The following SIGLEC8 variants were observed in gnomAD, a reference collection of about 807,000 sequenced individuals.
SIGLEC8 encodes sialic acid-binding Ig-like lectin 8.
A neutral mutation model predicts 42.1 loss-of-function variants in SIGLEC8; 32 were observed. The ratio of observed to expected loss-of-function variants is 0.76; its 90% CI spans 0.57 to 1.02. The LOEUF (loss-of-function observed/expected upper bound fraction) is 1.02, where lower values mean the gene tolerates loss of function less well. SIGLEC8 is among the 50% of genes least tolerant of loss of function. The pLI is 0.00. For missense variants in SIGLEC8, 611 were observed against 610.2 expected (o/e 1.00, Z -0.01); for synonymous variants, 262 against 260.3 (o/e 1.01, Z -0.06).
rs764743650 is a variant in SIGLEC8, at chr19:51,458,125, A to C, written c.263T>G (p.Val88Gly). ...GAATCGGCCCTGGGTCTCTGCCTGC[A>C]CTTCTCTGTCTGGGTTGTTTGTGGC... Reference protein sequence around the residue: ...PVATNNPDREVQAETQGRFQL... With the variant: ...PVATNNPDREGQAETQGRFQL... The change falls in exon 1 of 7, where the codon GTG (valine) becomes GGG (glycine). Residue 88 changes from valine (V) to glycine (G), a missense_variant. Val to Gly is a moderately radical substitution (Grantham distance 109). Coordinates refer to ENST00000321424, the MANE Select transcript of SIGLEC8 (RefSeq NM_014442.3). The C allele has an allele frequency of 6.2e-7, 1 of 1,614,018 alleles. No individual in the cohort carries two copies. The highest frequency in any genetic ancestry group is 8.5e-7 in the Non-Finnish European group (1 of 1,180,018).
intron 6 of SIGLEC8, among the ~76,000 whole-genome samples, chr19:51,452,908 T>C (rs951993693): frequency 6.6e-6 from 1 of 152,156 alleles, no homozygotes; most frequent in African/African-American, 2.4e-5. Context: ...CAGTCAGCAC[T>C]GCGCCCAAAG....
At chr19:51,457,880 C>A in intron 1 of SIGLEC8, 54 bp downstream of exon 1, 4 of 1,588,630 alleles carry the variant, frequency 2.5e-6, no homozygotes, top group Non-Finnish European at 3.4e-6. Context: ...CCAGCCCTGC[C>A]TTTCAGCCCC....
At chr19:51,453,218 A>G (rs758626847) in intron 6 of SIGLEC8, among the ~76,000 whole-genome samples, 16 of 151,686 alleles carry the variant, frequency 1.1e-4, no homozygotes, top group Non-Finnish European at 1.9e-4. Context: ...CCCCCCAAGT[A>G]GCTGGGACTG....
Position 51,457,558 on chromosome 19 carries a change from G to T in SIGLEC8, c.636C>A (p.Thr212=). 3.7e-6 allele frequency: 6 copies of T among 1,614,038 alleles called. No individual in the cohort carries two copies. In the Middle Eastern group the frequency reaches 1.0e-3, roughly 270 times the overall value. The change falls in exon 2 of 7, where the codon ACC becomes ACA. Residue 212 remains threonine, a synonymous_variant. Coordinates refer to ENST00000321424, the MANE Select transcript of SIGLEC8 (RefSeq NM_014442.3). ...TGGTGCCGTGGTCCTGGGGCTTTGG[G>T]GTAAGGGTGAGCACTGAGGAGCGGG... ...TTARSSVLTL[T]PKPQDHGTSL...
chr19:51,457,438 G>A (rs200071354), intron 2 of SIGLEC8, 23 bp downstream of exon 2: 2 of 1,612,872 alleles, frequency 1.2e-6, no homozygotes, highest in African/African-American at 1.3e-5. Flanking sequence ...TGAGGGACCT[G>A]GGCATCTTGG....
At chr19:51,456,920 G>A (rs150982110) in intron 3 of SIGLEC8, among the ~76,000 whole-genome samples, 5 of 152,332 alleles carry the variant, frequency 3.3e-5, no homozygotes, top group African/African-American at 4.8e-5. Flanking sequence ...AAAATTGGGA[G>A]TCTGATCCAG....
At chr19:51,452,888 G>A (rs1424681104) in intron 6 of SIGLEC8, among the ~76,000 whole-genome samples, 2 of 152,136 alleles carry the variant, frequency 1.3e-5, no homozygotes, top group Admixed American at 1.3e-4. Flanking sequence ...TATGAAAACT[G>A]AGGTCGAAAC....
At position 51,457,616 on chromosome 19, in the gene SIGLEC8, C is replaced by A. The variant is rs1283548350; in HGVS notation, c.578G>T (p.Gly193Val). 6.2e-7 allele frequency: 1 copy of A among 1,612,514 alleles called. No individual in the cohort carries two copies. Among genetic ancestry groups the A allele is most frequent in the Non-Finnish European group, 8.5e-7 (1 of 1,179,262 alleles). The change falls in exon 2 of 7, where the codon GGG becomes GTG. Residue 193 changes from glycine (G) to valine (V), a missense_variant. Coordinates refer to ENST00000321424, the MANE Select transcript of SIGLEC8 (RefSeq NM_014442.3). ...GGGGCCCGGGGAGGACACGGAGGCC[C>A]CAATCCAGGAGATCATGGGGGGTGT... is the stretch of plus-strand genomic sequence containing the variant. ...QGTPPMISWI[G>V]ASVSSPGPTT... is the part of the protein sequence containing the mutation.
At chr19:51,455,822 G>A (rs1045478748) in intron 3 of SIGLEC8, 135 bp from the exon 4 acceptor site, 24 of 773,302 alleles carry the variant, frequency 3.1e-5, no homozygotes, top group African/African-American at 5.3e-5. Context: ...CTTGGAACCA[G>A]CCCAAATGTC....
At chr19:51,453,956 G>A (rs1989428525) in intron 6 of SIGLEC8, 1 of 985,232 alleles carries the variant, frequency 1.0e-6, no homozygotes. Context: ...AAAAATGGAG[G>A]AGAGATGGTG....
In SIGLEC8 at chr19:51,452,401, G is replaced by A. The variant is rs1389168658; in HGVS notation, c.1478C>T (p.Ser493Phe). The change falls in exon 7 of 7, where the codon TCC (serine) becomes TTC (phenylalanine). Residue 493 changes from serine to phenylalanine, a missense_variant. By Grantham distance (155) the Ser-to-Phe change is radical (BLOSUM62 -2). Coordinates refer to ENST00000321424, the MANE Select transcript of SIGLEC8 (RefSeq NM_014442.3). ...TQACLRNHNP[S>F]SKEVRG ...GAATCAGCCTCTGACTTCTTTGCTG[G>A]AGGGGTTGTGATTCCTCAAACAGGC... 2 of 1,604,450 alleles carry A rather than the reference G, an allele frequency of 1.2e-6. No homozygotes were observed. The highest frequency in any genetic ancestry group is 1.3e-5 in the African/African-American group (1 of 74,776).
chr19:51,456,991 A>G (rs560721998), intron 3 of SIGLEC8, among the ~76,000 whole-genome samples, 193 bp downstream of exon 3: 14 of 152,228 alleles, frequency 9.2e-5, no homozygotes, highest in African/African-American at 3.1e-4. Flanking sequence ...GGAGGAGTCT[A>G]AGGGGAGCAG....
chr19:51,457,510 C>T lies in SIGLEC8; in HGVS notation c.684G>A (p.Leu228=). 4 of 1,613,956 alleles carry T rather than the reference C, an allele frequency of 2.5e-6. No individual in the cohort carries two copies. Among genetic ancestry groups the T allele is most frequent in the East Asian group, 4.5e-5 (2 of 44,868 alleles). The part of the protein sequence containing the change: ...HGTSLTCQVT[L]PGTGVTTTST... The stretch of plus-strand genomic sequence containing the variant: ...TGGTCGTGGTCACACCTGTCCCAGG[C>T]AAGGTCACCTGACAGGTGAGGCTGG... Residue 228 remains leucine, a synonymous_variant, in exon 2 of 7, where the codon TTG becomes TTA. Coordinates refer to ENST00000321424, the MANE Select transcript of SIGLEC8 (RefSeq NM_014442.3).
chr19:51,455,522 G>T lies in SIGLEC8; in HGVS notation c.947C>A (p.Pro316His), dbSNP rs1989468879. The change falls in exon 4 of 7, where the codon CCT (proline) becomes CAT (histidine). Residue 316 changes from proline to histidine, a missense_variant. Transcript: ENST00000321424. ...CCCTTCATCCCTCACGTGCACTCGAGGCAGCTCCAGCAGCCCAGGGTTTGA... is the reference window on the plus strand; with the variant it reads ...CCCTTCATCCCTCACGTGCACTCGATGCAGCTCCAGCAGCCCAGGGTTTGA... Reference protein sequence around the residue: ...RSSNPGLLELPRVHVRDEGEF... With the variant: ...RSSNPGLLELHRVHVRDEGEF... The T allele has an allele frequency of 1.2e-6, 2 of 1,614,056 alleles. No individual in the cohort carries two copies. The highest frequency in any genetic ancestry group is 3.3e-5 in the Admixed American group (2 of 59,994).
In SIGLEC8 at chr19:51,457,185, T is replaced by C; in HGVS notation, c.780A>G (p.Thr260=). ...CCCAGGGAGGGGGCTCTGTCCTACC[T>C]GTGGCATCTCCTTGGAAGACAGTCA... ...LTMTVFQGDA[T]ASTALGNGSS... is the part of the protein sequence containing the mutation. The change falls in exon 3 of 7, where the codon ACA becomes ACG. Residue 260 remains threonine (T), a splice_region_variant and synonymous_variant. Transcript: ENST00000321424. 1.2e-6 allele frequency: 2 copies of C among 1,613,720 alleles called. No individual in the cohort carries two copies. Among genetic ancestry groups the C allele is most frequent in the Non-Finnish European group, 1.7e-6 (2 of 1,179,752 alleles).
At chr19:51,453,994 G>A (rs559968379) in intron 6 of SIGLEC8, 427 of 985,278 alleles carry the variant, frequency 4.3e-4, no homozygotes, top group Non-Finnish European at 4.8e-4. Context: ...AGAAAAGGAG[G>A]ACAGAGAGGA....
intron 6 of SIGLEC8, chr19:51,453,790 T>C (rs745544911): frequency 9.3e-5 from 92 of 985,038 alleles, no homozygotes; most frequent in Non-Finnish European, 1.1e-4. Context: ...AGGGCCTTAA[T>C]TGAGACATGA....
Position 51,458,052 on chromosome 19 carries a change from T to A in SIGLEC8, c.336A>T (p.Arg112Ser). The A allele has an allele frequency of 6.2e-7, 1 of 1,614,204 alleles. No homozygotes were observed. The highest frequency in any genetic ancestry group is 1.1e-5 in the South Asian group (1 of 91,090). ...IWSNDCSLSI[R>S]DARKRDKGSY... ...ACCCCTTATCCCTCTTCCTGGCGTC[T>A]CTGATGCTCAGGGAGCAGTCGTTGC... The change falls in exon 1 of 7, where the codon AGA (arginine) becomes AGT (serine). Residue 112 changes from arginine to serine, a missense_variant. Transcript: ENST00000321424.
rs368107070 is a variant in SIGLEC8 at position 51,457,965 on chromosome 19, G to C, written c.423C>G (p.Tyr141Ter). The C allele has an allele frequency of 6.2e-7, 1 of 1,613,992 alleles. No homozygotes were observed. The highest frequency in any genetic ancestry group is 1.3e-5 in the African/African-American group (1 of 74,884). Residue 141 changes from tyrosine to a stop codon, truncating the protein, a stop_gained, in exon 1 of 7, where the codon TAC (tyrosine) becomes TAG (stop). Transcript: ENST00000321424. LOFTEE classifies it high-confidence loss of function. ...MKWSYKSQLN[Y>*]KTKQLSVFVT... ...CAAACACAGACAGCTGCTTAGTTTTGTAATTCAACTGTGATTTGTAACTCC... is the reference window on the plus strand; with the variant it reads ...CAAACACAGACAGCTGCTTAGTTTTCTAATTCAACTGTGATTTGTAACTCC...
Sources: gnomAD v4.1 joint callset for allele counts (sites outside exome capture counted in the v4.1 genomes callset) on GRCh38, gnomAD v4.1.1 for gene constraint, MANE v1.5 for transcripts, NCBI Gene and HGNC (gene_info 2026-07-23, HGNC 2026-07-21) for gene names.